Variants in ADAP1 observed in about 807,000 individuals in gnomAD.
ADAP1 encodes the protein arf-GAP with dual PH domain-containing protein 1.
A neutral mutation model predicts 54.9 loss-of-function variants in ADAP1; 31 were observed. The observed-to-expected ratio is 0.56, with a 90% CI of 0.42 to 0.76. ADAP1 has a LOEUF of 0.76. Among genes scored for constraint, ADAP1 ranks in the 30% least tolerant of loss-of-function variants. The pLI, the probability that ADAP1 is intolerant of heterozygous loss-of-function variation, is 0.00. For missense variants in ADAP1, 535 were observed against 512.4 expected, an observed-to-expected ratio of 1.04 and a Z score of -0.42; for synonymous variants, 313 against 202.6, an observed-to-expected ratio of 1.55 and a Z score of -4.63.
rs546246429 is a variant in ADAP1 at position 915,672 on chromosome 7, GGGATTCCAGTGGGGCAGGAACA to G, written c.388+4274_388+4295del. On this transcript the variant is annotated intron_variant, in intron 4 of 10. Transcript: ENST00000265846. ...CTCAGACAACAGCAAAGGCAGGAATGGGATTCCAGTGGGGCAGGAACAGGATTCCAGTTGGGCAGCCTCGGGC... is the reference window on the plus strand; with the variant it reads ...CTCAGACAACAGCAAAGGCAGGAATGGGATTCCAGTTGGGCAGCCTCGGGC... Among the ~76,000 whole-genome samples the G allele has an allele frequency of 7.1e-3, 1,080 of 152,314 alleles. 7 individuals carry two copies. Among genetic ancestry groups the G allele is most frequent in the Non-Finnish European group, 0.011 (764 of 68,000 alleles).
rs981513232 is a variant in ADAP1 at position 945,324 on chromosome 7, C to T, written c.82+9072G>A. Among the ~76,000 whole-genome samples, 14 of 152,296 alleles carry T rather than the reference C, an allele frequency of 9.2e-5. No individual in the cohort carries two copies. Among genetic ancestry groups the T allele is most frequent in the South Asian group, 2.1e-4 (1 of 4,830 alleles). Reference sequence around the variant, plus strand: ...CAGGGTGGAAGGGGAGCTGGTCTGACGCCCCAGCAGCAGGGCCCCCACAGG... The same window carrying T: ...CAGGGTGGAAGGGGAGCTGGTCTGATGCCCCAGCAGCAGGGCCCCCACAGG... On this transcript the variant is annotated intron_variant, in intron 1 of 10. Transcript: ENST00000265846. This position sits in a 1 kb window ranked among gnomAD's most constrained non-coding sequence, Gnocchi z 4.2.
In ADAP1 at chr7:899,201, G is replaced by A. The variant is rs1238494491; in HGVS notation, c.928C>T (p.His310Tyr). 5 of 1,612,494 alleles carry A rather than the reference G, an allele frequency of 3.1e-6. No individual in the cohort carries two copies. The highest frequency in any genetic ancestry group is 1.7e-5 in the Admixed American group (1 of 60,010). The change falls in exon 10 of 11, where the codon CAT (histidine) becomes TAT (tyrosine). Residue 310 changes from histidine (H) to tyrosine (Y), a missense_variant. By Grantham distance (83) the His-to-Tyr change is moderately conservative. Coordinates refer to ENST00000265846, the MANE Select transcript of ADAP1 (RefSeq NM_006869.4). ...GSKESGYTVLHGFPPSTQGHH... is the reference protein window; with the variant it reads ...GSKESGYTVLYGFPPSTQGHH... ...CCCTGGGTGGACGGCGGGAACCCAT[G>A]CAGCACCGTGTAGCCACTCTCCTTG...
intron 1 of ADAP1, among the ~76,000 whole-genome samples, chr7:936,168 G>A (rs1215433845): frequency 4.6e-5 from 7 of 152,188 alleles, no homozygotes; most frequent in African/African-American, 1.7e-4. Flanking sequence ...GCTGGACACA[G>A]TGGCTCAGGC....
chr7:931,045 G>A (rs1431234203), intron 2 of ADAP1, among the ~76,000 whole-genome samples: 10 of 149,786 alleles, frequency 6.7e-5, no homozygotes, highest in Admixed American at 6.6e-4. Flanking sequence ...GACTGAGGGA[G>A]GGAGGGAGGG....
At position 954,557 on chromosome 7, in the gene ADAP1, C is replaced by A. The variant is rs1847342635; in HGVS notation, c.-80G>T. On this transcript the variant is annotated 5_prime_UTR_variant, in exon 1 of 11. Transcript: ENST00000265846. The stretch of plus-strand genomic sequence containing the variant: ...CGGCTCGCTAGGGCCCCGCGCAGGC[C>A]GCCCGCCGCCGCCGCCCCTGCGCCA... 4.0e-6 allele frequency: 4 copies of A among 989,458 alleles called. No individual in the cohort carries two copies. The highest frequency in any genetic ancestry group is 6.2e-5 in the Admixed American group (1 of 16,094). The allele number at this position is 989,458 out of a possible 1,614,324, so 61.3% of individuals were successfully genotyped here.
In ADAP1 at chr7:898,820, G is replaced by C; in HGVS notation, c.*101C>G. 4.0e-6 allele frequency: 6 copies of C among 1,498,602 alleles called. No individual in the cohort carries two copies. The highest frequency in any genetic ancestry group is 5.4e-6 in the Non-Finnish European group (6 of 1,109,058). The allele number at this position is 1,498,602 out of a possible 1,614,324, so 92.8% of individuals were successfully genotyped here. On this transcript the variant is annotated 3_prime_UTR_variant, in exon 11 of 11. Transcript: ENST00000265846. ...CGCGCCGGGCTGCCCTGAGGAGCAGGTGGGGCCAGGTGGCCTCAGGACGCC... is the reference window on the plus strand; with the variant it reads ...CGCGCCGGGCTGCCCTGAGGAGCAGCTGGGGCCAGGTGGCCTCAGGACGCC...
chr7:935,091 C>A, intron 2 of ADAP1: 1 of 568,602 alleles, frequency 1.8e-6, no homozygotes, highest in Admixed American at 2.2e-5. Flanking sequence ...CACTCCGGAG[C>A]TCCCAGGGCA....
intron 3 of ADAP1, among the ~76,000 whole-genome samples, chr7:924,929 AG>A (rs1039482060): frequency 6.6e-6 from 1 of 152,012 alleles, no homozygotes; most frequent in African/African-American, 2.4e-5. Context: ...TTCCCCTGTG[AG>A]GGCTCAGGGG....
Position 913,801 on chromosome 7 carries a change from G to C in ADAP1, c.388+6167C>G, listed in dbSNP as rs112748034. Among the ~76,000 whole-genome samples, 1,299 of 152,238 alleles carry C rather than the reference G, an allele frequency of 8.5e-3. 23 individuals are homozygous for C. The highest frequency in any genetic ancestry group is 0.029 in the African/African-American group (1,210 of 41,554). On this transcript the variant is annotated intron_variant, in intron 4 of 10. Coordinates refer to ENST00000265846, the MANE Select transcript of ADAP1 (RefSeq NM_006869.4). Reference sequence around the variant, plus strand: ...AATATAAAAATTAGCCGGGCGTGGTGGGGGGCGCCTGTAGTCCCAGCTACT... The same window carrying C: ...AATATAAAAATTAGCCGGGCGTGGTCGGGGGCGCCTGTAGTCCCAGCTACT...
chr7:902,474 AAG>A (rs1491403793), intron 6 of ADAP1, among the ~76,000 whole-genome samples: 2 of 149,218 alleles, frequency 1.3e-5, no homozygotes, highest in African/African-American at 2.5e-5. Context: ...AAAAAAAAGA[AAG>A]AAAAGAAAGA....
chr7:908,879 A>G (rs1370064216), intron 4 of ADAP1, among the ~76,000 whole-genome samples: 2 of 152,188 alleles, frequency 1.3e-5, no homozygotes. Context: ...ACGGGGGTGG[A>G]GCTGGCTGGG....
chr7:909,123 G>A (rs554825500), intron 4 of ADAP1, among the ~76,000 whole-genome samples: 3 of 145,714 alleles, frequency 2.1e-5, no homozygotes, highest in South Asian at 4.4e-4. Flanking sequence ...GGGAACCCCG[G>A]TCCTCCCGAC....
rs561185847 is a variant in ADAP1 at position 931,795 on chromosome 7, A to T, written c.213+3580T>A. Among the ~76,000 whole-genome samples, 23 of 151,666 alleles carry T rather than the reference A, an allele frequency of 1.5e-4. No individual in the cohort carries two copies. The South Asian group carries it at 4.6e-3, about 30-fold the overall frequency. On this transcript the variant is annotated intron_variant, in intron 2 of 10. Transcript: ENST00000265846. ...GGAGAAAAAAAAAAAAAAACATAAA[A>T]TGTGAAGAAAAGGAAAGAAGAGAAG...
chr7:925,730 C>T (rs897843947), intron 3 of ADAP1, among the ~76,000 whole-genome samples: 9 of 152,376 alleles, frequency 5.9e-5, no homozygotes, highest in African/African-American at 1.4e-4. Context: ...GCCAGGCGCC[C>T]GCCGCTTTCC....
In ADAP1 at chr7:926,880, A is replaced by T; in HGVS notation, c.214-236T>A. ...GTCCCTAACGACGGGGTCCCGGCAA[A>T]GGGGGCCCAGGGGCCAGGCCCCTTT... On this transcript the variant is annotated intron_variant, in intron 2 of 10. Coordinates refer to ENST00000265846, the MANE Select transcript of ADAP1 (RefSeq NM_006869.4). This position sits in a 1 kb window ranked among gnomAD's most constrained non-coding sequence, Gnocchi z 4.6. 2 of 942,860 alleles carry T rather than the reference A, an allele frequency of 2.1e-6. No homozygotes were observed. The highest frequency in any genetic ancestry group is 3.0e-6 in the Non-Finnish European group (2 of 676,166). The allele number at this position is 942,860 out of a possible 1,614,324, so 58.4% of individuals were successfully genotyped here.
chr7:954,712 T>C, upstream of ADAP1: 2 of 981,330 alleles, frequency 2.0e-6, no homozygotes, highest in Non-Finnish European at 2.4e-6. Context: ...CACGCTGCGC[T>C]CTGGCCGGCA....
intron 2 of ADAP1, among the ~76,000 whole-genome samples, chr7:931,854 G>A (rs920435267): frequency 6.6e-6 from 1 of 151,916 alleles, no homozygotes; most frequent in African/African-American, 2.4e-5. Flanking sequence ...ACCTCGGTCC[G>A]GTCCTCAGCA....
At position 898,780 on chromosome 7, in the gene ADAP1, C is replaced by T. The variant is rs1016283680; in HGVS notation, c.*141G>A. On this transcript the variant is annotated 3_prime_UTR_variant, in exon 11 of 11. Transcript: ENST00000265846. ...GAGAAGCATCCTGGAAGCTGAAGCT[C>T]GGGCCCTACCTGGCCGCGCCGGGCT... is the stretch of plus-strand genomic sequence containing the variant. 162 of 1,126,092 alleles carry T rather than the reference C, an allele frequency of 1.4e-4. No homozygotes were observed. The highest frequency in any genetic ancestry group is 1.3e-3 in the East Asian group (51 of 38,666). The allele number at this position is 1,126,092 out of a possible 1,614,324, so 69.8% of individuals were successfully genotyped here.
At position 899,147 on chromosome 7, in the gene ADAP1, C is replaced by G; in HGVS notation, c.982G>C (p.Val328Leu). Reference protein sequence around the residue: ...GHHWPHGITIVTPDRKFLFAC... With the variant: ...GHHWPHGITILTPDRKFLFAC... ...AACAGAAACTTGCGGTCGGGCGTGA[C>G]GATGGTGATGCCATGTGGCCAGTGG... Residue 328 changes from valine to leucine, a missense_variant, in exon 10 of 11, where the codon GTC becomes CTC. By Grantham distance (32) the Val-to-Leu change is conservative. Coordinates refer to ENST00000265846, the MANE Select transcript of ADAP1 (RefSeq NM_006869.4). The G allele has an allele frequency of 1.2e-6, 2 of 1,611,026 alleles. No homozygotes were observed. Among genetic ancestry groups the G allele is most frequent in the Non-Finnish European group, 1.7e-6 (2 of 1,179,964 alleles).
Sources: gnomAD v4.1 joint callset for allele counts (sites outside exome capture counted in the v4.1 genomes callset) on GRCh38, gnomAD v4.1.1 for gene constraint, Gnocchi (gnomAD v3.1) non-coding constraint, MANE v1.5 for transcripts, NCBI Gene and HGNC (gene_info 2026-07-23, HGNC 2026-07-21) for gene names.